FAM83B: variants seen among roughly 807,000 people sequenced by gnomAD.
The protein encoded by FAM83B is protein FAM83B.
FAM83B carries 26 observed loss-of-function variants against 38.8 expected under a neutral mutation model. The observed-to-expected ratio is 0.67, with a 90% CI of 0.49 to 0.93. The LOEUF (loss-of-function observed/expected upper bound fraction) is 0.93. FAM83B is among the 40% of genes least tolerant of loss of function. FAM83B has a pLI of 0.00. For missense variants in FAM83B, 1,237 were observed against 1,197.3 expected, an observed-to-expected ratio of 1.03 and a Z score of -0.49; for synonymous variants, 419 against 423.1, an observed-to-expected ratio of 0.99 and a Z score of 0.12.
chr6:54,870,829 G>T, intron 2 of FAM83B, 139 bp downstream of exon 2: 1 of 799,786 alleles, frequency 1.3e-6, no homozygotes, highest in South Asian at 2.0e-5. Context: ...AGTACCTATG[G>T]ATACACAGGA....
intron 2 of FAM83B, among the ~76,000 whole-genome samples, chr6:54,885,402 T>C (rs28893827): frequency 6.6e-6 from 1 of 152,282 alleles, no homozygotes; most frequent in African/African-American, 2.4e-5. Context: ...AATATTTTAA[T>C]TTTTTGTCTT....
At chr6:54,906,496 T>A (rs374896050) in intron 2 of FAM83B, among the ~76,000 whole-genome samples, 2 of 152,178 alleles carry the variant, frequency 1.3e-5, no homozygotes, top group Non-Finnish European at 2.9e-5. Context: ...GCGATTCTCC[T>A]GCCTCAGCCT....
chr6:54,851,924 GGCGTGA>G (rs1241164413), intron 1 of FAM83B, among the ~76,000 whole-genome samples: 1 of 152,042 alleles, frequency 6.6e-6, no homozygotes, highest in African/African-American at 2.4e-5. Flanking sequence ...TGGGATTACA[GGCGTGA>G]GCCACCGCGC....
chr6:54,885,818 G>A (rs1772260928), intron 2 of FAM83B, among the ~76,000 whole-genome samples: 1 of 148,948 alleles, frequency 6.7e-6, no homozygotes, highest in Admixed American at 6.7e-5. Context: ...GGACTGTTGT[G>A]GGACAGGGGG....
At chr6:54,847,771 A>G (rs1255557577) in intron 1 of FAM83B, among the ~76,000 whole-genome samples, 1 of 152,154 alleles carries the variant, frequency 6.6e-6, no homozygotes, top group African/African-American at 2.4e-5. Context: ...CATGTTGTCT[A>G]TGCTCGGAGC....
intron 4 of FAM83B, among the ~76,000 whole-genome samples, chr6:54,933,607 C>T (rs941152024): frequency 6.6e-6 from 1 of 152,022 alleles, no homozygotes; most frequent in Non-Finnish European, 1.5e-5. Context: ...AATCAGTCAC[C>T]TCTCCCAGTC....
rs1306108109 is a variant in FAM83B, at chr6:54,870,428, T to C, written c.182T>C (p.Ile61Thr). 1 of 1,613,972 alleles carries C rather than the reference T, an allele frequency of 6.2e-7. No homozygotes were observed. The highest frequency in any genetic ancestry group is 8.5e-7 in the Non-Finnish European group (1 of 1,179,940). ...RVSDFLAEEE[I>T]NYILKNVQKV... ...TCAGACTTTCTTGCTGAGGAAGAAA[T>C]TAATTATATTTTGAAAAATGTCCAG... Residue 61 changes from isoleucine (I) to threonine (T), a missense_variant, in exon 2 of 5, where the codon ATT (isoleucine) becomes ACT (threonine). Physicochemically the swap from Ile to Thr is moderately conservative, Grantham distance 89. Coordinates refer to ENST00000306858, the MANE Select transcript of FAM83B (RefSeq NM_001010872.3).
chr6:54,865,650 G>C (rs1482847567), intron 1 of FAM83B, among the ~76,000 whole-genome samples: 2 of 152,018 alleles, frequency 1.3e-5, no homozygotes, highest in African/African-American at 4.8e-5. Flanking sequence ...TTCTGACTTT[G>C]GTTTATTGGC....
At chr6:54,921,027 A>C (rs933067556) in intron 2 of FAM83B, among the ~76,000 whole-genome samples, 2 of 151,984 alleles carry the variant, frequency 1.3e-5, no homozygotes, top group African/African-American at 2.4e-5. Flanking sequence ...ATGTTAATTC[A>C]ATAAACATTT....
intron 1 of FAM83B, among the ~76,000 whole-genome samples, chr6:54,866,398 C>T (rs1771706821): frequency 6.6e-6 from 1 of 152,018 alleles, no homozygotes; most frequent in Non-Finnish European, 1.5e-5. Context: ...AACCAATATG[C>T]TGATATTGAT....
chr6:54,929,177 A>G (rs780636183), intron 4 of FAM83B, among the ~76,000 whole-genome samples: 8 of 152,124 alleles, frequency 5.3e-5, no homozygotes, highest in Non-Finnish European at 1.0e-4. Flanking sequence ...TGACATTATC[A>G]TGGACCTTTC....
intron 1 of FAM83B, among the ~76,000 whole-genome samples, chr6:54,862,511 G>C (rs970029451): frequency 3.9e-5 from 6 of 152,152 alleles, no homozygotes; most frequent in African/African-American, 1.4e-4. Context: ...GTGGCCCGTG[G>C]TGGACATTCG....
At chr6:54,938,241 A>C (rs559691507) in intron 4 of FAM83B, among the ~76,000 whole-genome samples, 1 of 152,164 alleles carries the variant, frequency 6.6e-6, no homozygotes, top group African/African-American at 2.4e-5. Flanking sequence ...TGGTATATAC[A>C]TACCACATTT....
chr6:54,860,846 A>AG (rs964487860), intron 1 of FAM83B, among the ~76,000 whole-genome samples: 2 of 152,246 alleles, frequency 1.3e-5, no homozygotes, highest in African/African-American at 4.8e-5. Context: ...GCGTAAGGAA[A>AG]GTGTTTCATC....
In FAM83B at chr6:54,941,345, A is replaced by C; in HGVS notation, c.2374A>C (p.Asn792His). The C allele has an allele frequency of 4.3e-6, 7 of 1,612,988 alleles. No individual in the cohort carries two copies. Among genetic ancestry groups the C allele is most frequent in the Non-Finnish European group, 5.9e-6 (7 of 1,179,774 alleles). The change falls in exon 5 of 5, where the codon AAT (asparagine) becomes CAT (histidine). Residue 792 changes from asparagine to histidine, a missense_variant. Physicochemically the swap from Asn to His is moderately conservative, Grantham distance 68. Transcript: ENST00000306858. The stretch of plus-strand genomic sequence containing the variant: ...AGATAAGAAAGAAAATCTATCCAAA[A>C]ATAAAGCACCTGCCTTTTATAGATT... ...TPDKKENLSK[N>H]KAPAFYRLCS...
intron 3 of FAM83B, 100 bp from the exon 4 acceptor site, chr6:54,927,408 A>G: frequency 1.0e-6 from 1 of 988,578 alleles, no homozygotes; most frequent in Non-Finnish European, 1.4e-6. Context: ...ACCTTAAGTA[A>G]ATTTTTTTAT....
At chr6:54,929,826 T>G (rs886203744) in intron 4 of FAM83B, among the ~76,000 whole-genome samples, 7 of 150,634 alleles carry the variant, frequency 4.6e-5, no homozygotes, top group Non-Finnish European at 1.0e-4. Context: ...GAGTAGACAG[T>G]TTTTTTTTAA....
chr6:54,943,774 C>A lies in FAM83B; in HGVS notation c.*1767C>A, dbSNP rs1367066909. ...TAGGATAATGAGCCATTAGGCAGTT[C>A]TGAAATGGAAAGCCCTGAAATTTAG... On this transcript the variant is annotated 3_prime_UTR_variant, in exon 5 of 5. Transcript: ENST00000306858. The A allele has an allele frequency of 6.6e-6, 1 of 152,112 alleles. No homozygotes were observed. The highest frequency in any genetic ancestry group is 6.5e-5 in the Admixed American group (1 of 15,270). The allele number at this position is 152,112 out of a possible 1,614,324, so 9.4% of individuals were successfully genotyped here.
In FAM83B at chr6:54,918,458, G is replaced by A. The variant is rs191290682; in HGVS notation, c.445-7913G>A. Among the ~76,000 whole-genome samples the A allele has an allele frequency of 4.4e-3, 667 of 152,212 alleles. 8 individuals are homozygous for A. The highest frequency in any genetic ancestry group is 0.015 in the African/African-American group (635 of 41,536). On this transcript the variant is annotated intron_variant, in intron 2 of 4. Coordinates refer to ENST00000306858, the MANE Select transcript of FAM83B (RefSeq NM_001010872.3). ...AGAGGTTTAATTGACTCAGAGTTCT[G>A]CAGGGCTGGCGATGCCTCAGGAAAC...
Sources: gnomAD v4.1 joint callset for allele counts (sites outside exome capture counted in the v4.1 genomes callset) on GRCh38, gnomAD v4.1.1 for gene constraint, MANE v1.5 for transcripts, NCBI Gene and HGNC (gene_info 2026-07-23, HGNC 2026-07-21) for gene names.